The following MYT1L variants were observed in gnomAD, a reference collection of about 807,000 sequenced individuals.
MYT1L encodes myelin transcription factor 1-like protein.
In MYT1L, 12 loss-of-function variants were observed where a neutral mutation model predicts 126.7. That is an observed-to-expected ratio of 0.09 (90% CI 0.06 to 0.15). The LOEUF (loss-of-function observed/expected upper bound fraction) is 0.15. Among genes scored for constraint, MYT1L ranks in the 10% least tolerant of loss-of-function variants. MYT1L has a pLI of 1.00. For synonymous variants in MYT1L, 541 were observed against 604.2 expected (o/e 0.90, Z 1.53); for missense variants, 979 against 1,585.2 (o/e 0.62, Z 6.49).
chr2:2,023,695 G>A (rs1443322052), intron 4 of MYT1L, among the ~76,000 whole-genome samples: 2 of 151,976 alleles, frequency 1.3e-5, no homozygotes, highest in East Asian at 1.9e-4. Context: ...GCTGTCTAGC[G>A]AGTCTTCCTC....
chr2:2,078,246 A>T (rs1192994013), intron 3 of MYT1L, among the ~76,000 whole-genome samples: 7 of 152,222 alleles, frequency 4.6e-5, no homozygotes, highest in African/African-American at 1.2e-4. Context: ...ATTTTTAACA[A>T]GAATATGGCA....
chr2:2,267,534 G>T (rs1309346489), intron 2 of MYT1L, among the ~76,000 whole-genome samples: 1 of 151,920 alleles, frequency 6.6e-6, no homozygotes, highest in African/African-American at 2.4e-5. Context: ...GGAATGGACA[G>T]AAAAAAAATG....
At chr2:2,273,720 C>T (rs1573037122) in intron 2 of MYT1L, among the ~76,000 whole-genome samples, 1 of 152,284 alleles carries the variant, frequency 6.6e-6, no homozygotes, top group Admixed American at 6.5e-5. Context: ...GTGAGGACTG[C>T]TGTGCTGCAT....
chr2:1,994,307 G>A (rs1436735906), intron 5 of MYT1L, among the ~76,000 whole-genome samples: 23 of 151,866 alleles, frequency 1.5e-4, no homozygotes, highest in African/African-American at 5.1e-4. Context: ...GGGGGGCTCA[G>A]CCCTGGTTCA....
intron 1 of MYT1L, among the ~76,000 whole-genome samples, chr2:2,299,331 T>G (rs575432997): frequency 4.9e-4 from 75 of 152,282 alleles, no homozygotes; most frequent in African/African-American, 1.8e-3. Context: ...TAGCGGCCCA[T>G]GTGAGCCGCC....
chr2:2,325,554 T>C (rs2096235654), intron 1 of MYT1L: 1 of 152,222 alleles, frequency 6.6e-6, no homozygotes, highest in African/African-American at 2.4e-5. Flanking sequence ...CTTAAAAAAG[T>C]GCTGATTTTA....
intron 4 of MYT1L, among the ~76,000 whole-genome samples, chr2:2,015,639 T>C (rs2064297974): frequency 6.6e-6 from 1 of 152,158 alleles, no homozygotes. Flanking sequence ...TTTGCAGCTG[T>C]TTTAGAGATA....
At chr2:2,240,253 A>T (rs2094411916) in intron 2 of MYT1L, among the ~76,000 whole-genome samples, 1 of 152,160 alleles carries the variant, frequency 6.6e-6, no homozygotes, top group Non-Finnish European at 1.5e-5. Flanking sequence ...AGATCATAGC[A>T]TTGTGCTCCA....
chr2:1,896,143 A>G (rs1308541462), intron 14 of MYT1L, among the ~76,000 whole-genome samples: 3 of 152,334 alleles, frequency 2.0e-5, no homozygotes, highest in African/African-American at 7.2e-5. Context: ...GTGAGACAGC[A>G]TCTCATACCA....
At chr2:2,082,002 A>C (rs2075885850) in intron 3 of MYT1L, among the ~76,000 whole-genome samples, 1 of 152,062 alleles carries the variant, frequency 6.6e-6, no homozygotes, top group Non-Finnish European at 1.5e-5. Context: ...CGGCCTCCCA[A>C]AGTGCTGGGA....
At chr2:2,106,225 A>C (rs2078742388) in intron 3 of MYT1L, among the ~76,000 whole-genome samples, 1 of 152,224 alleles carries the variant, frequency 6.6e-6, no homozygotes, top group South Asian at 2.1e-4. Context: ...ATGTTAGAGA[A>C]AGTGAGATAA....
rs1553276596 is a variant in MYT1L at position 1,866,973 on chromosome 2, G to GGGGA, written c.2712-15271_2712-15270insTCCC. On this transcript the variant is annotated intron_variant, in intron 18 of 24. Transcript: ENST00000647738. ...AGAAACAGAAAGAGAGAGAGAGGGA[G>GGGGA]GAGAGAGAGAGAGAGAGAGAGTAAA... Among the ~76,000 whole-genome samples, 8 of 95,586 alleles carry GGGGA rather than the reference G, an allele frequency of 8.4e-5. No homozygotes were observed. In the South Asian group the frequency reaches 1.1e-3, roughly 13 times the overall value. The allele number at this position is 95,586 out of a possible 152,430, so 62.7% of individuals were successfully genotyped here.
At chr2:2,177,610 G>A (rs2148596712) in intron 2 of MYT1L, among the ~76,000 whole-genome samples, 1 of 152,306 alleles carries the variant, frequency 6.6e-6, no homozygotes, top group African/African-American at 2.4e-5. Flanking sequence ...GAAGGCCTCA[G>A]GAAACTTACA....
chr2:1,837,628 C>T (rs551839037), intron 21 of MYT1L, among the ~76,000 whole-genome samples: 12 of 152,060 alleles, frequency 7.9e-5, no homozygotes, highest in Non-Finnish European at 1.3e-4. Context: ...CCAGGTGGCA[C>T]GTGCAGGAAC....
intron 3 of MYT1L, among the ~76,000 whole-genome samples, chr2:2,136,037 T>C (rs141777279): frequency 2.0e-5 from 3 of 152,306 alleles, no homozygotes; most frequent in African/African-American, 7.2e-5. Flanking sequence ...TGGAATACTA[T>C]GCAGCCATAA....
intron 2 of MYT1L, among the ~76,000 whole-genome samples, chr2:2,225,919 C>T (rs181896850): frequency 5.3e-5 from 8 of 152,198 alleles, no homozygotes; most frequent in African/African-American, 1.4e-4. Flanking sequence ...AAAACTGCCA[C>T]GAGTATAAGA....
chr2:1,869,697 C>T (rs2046039612), intron 18 of MYT1L, among the ~76,000 whole-genome samples: 1 of 152,178 alleles, frequency 6.6e-6, no homozygotes, highest in South Asian at 2.1e-4. Context: ...CAGGCACTTA[C>T]AGGCTAACTC....
At chr2:2,032,059 G>A (rs2066364839) in intron 4 of MYT1L, among the ~76,000 whole-genome samples, 2 of 132,054 alleles carry the variant, frequency 1.5e-5, no homozygotes, top group Admixed American at 7.6e-5. Context: ...TCATCCTGTG[G>A]CCCAGAGCAG....
At chr2:1,913,131 C>T (rs1041970181) in intron 11 of MYT1L, among the ~76,000 whole-genome samples, 2 of 152,158 alleles carry the variant, frequency 1.3e-5, no homozygotes, top group African/African-American at 4.8e-5. Context: ...ACTTTTCCTC[C>T]TTCTCTAGAA....
Sources: allele counts gnomAD v4.1 joint callset (sites outside exome capture counted in the v4.1 genomes callset), GRCh38; gene constraint gnomAD v4.1.1; transcripts MANE v1.5; gene names NCBI Gene and HGNC (gene_info 2026-07-23, HGNC 2026-07-21).